HS6ST1: variants seen among roughly 807,000 people sequenced by gnomAD.
The protein encoded by HS6ST1 is heparan sulfate 6-O-sulfotransferase 1.
HS6ST1 carries 3 observed loss-of-function variants against 25.2 expected under a neutral mutation model. That is an observed-to-expected ratio of 0.12 (90% CI 0.05 to 0.31). The LOEUF (loss-of-function observed/expected upper bound fraction) is 0.31, where lower values mean the gene tolerates loss of function less well. Among genes scored for constraint, HS6ST1 ranks in the 10% least tolerant of loss-of-function variants. The pLI is 1.00. For missense variants in HS6ST1, 310 were observed against 609.6 expected, an observed-to-expected ratio of 0.51 and a Z score of 5.18; for synonymous variants, 204 against 275.1, an observed-to-expected ratio of 0.74 and a Z score of 2.56.
intron 1 of HS6ST1, among the ~76,000 whole-genome samples, chr2:128,271,009 C>T (rs6738201): frequency 0.045 from 6,814 of 152,282 alleles, 492 homozygotes; most frequent in African/African-American, 0.16. Context: ...CAGCCCCACA[C>T]CCATTCAGGG....
At chr2:128,310,952 G>C (rs1044159472) in intron 1 of HS6ST1, among the ~76,000 whole-genome samples, 3 of 151,970 alleles carry the variant, frequency 2.0e-5, no homozygotes, top group Admixed American at 2.0e-4. Context: ...GCGGGGTCTC[G>C]CATGATGTGT....
At chr2:128,304,898 CCA>C (rs1694185338) in intron 1 of HS6ST1, among the ~76,000 whole-genome samples, 1 of 152,208 alleles carries the variant, frequency 6.6e-6, no homozygotes, top group Non-Finnish European at 1.5e-5. Context: ...GACTGAGCAC[CCA>C]CACACACTTG....
At chr2:128,271,797 T>TC (rs1355959404) in intron 1 of HS6ST1, among the ~76,000 whole-genome samples, 1 of 152,174 alleles carries the variant, frequency 6.6e-6, no homozygotes, top group Non-Finnish European at 1.5e-5. Context: ...CCGAGGGCTT[T>TC]CCCCTCCTGG....
At chr2:128,313,741 C>T (rs920043149) in intron 1 of HS6ST1, among the ~76,000 whole-genome samples, 6 of 152,084 alleles carry the variant, frequency 3.9e-5, no homozygotes, top group African/African-American at 7.2e-5. Context: ...GTGGGCACTG[C>T]ACTCTCTGGG....
At chr2:128,306,095 C>G (rs1694203380) in intron 1 of HS6ST1, among the ~76,000 whole-genome samples, 1 of 152,194 alleles carries the variant, frequency 6.6e-6, no homozygotes, top group African/African-American at 2.4e-5. Flanking sequence ...TCTCAGTTTA[C>G]TCATCTGCAA....
chr2:128,293,491 G>A (rs908933699), intron 1 of HS6ST1, among the ~76,000 whole-genome samples: 7 of 152,226 alleles, frequency 4.6e-5, no homozygotes, highest in African/African-American at 1.7e-4. Flanking sequence ...AGAAACCACT[G>A]TTCCTCATAC....
chr2:128,316,980 G>C (rs1207124978), intron 1 of HS6ST1, among the ~76,000 whole-genome samples: 2 of 152,156 alleles, frequency 1.3e-5, no homozygotes, highest in Non-Finnish European at 2.9e-5. Context: ...CAGCCTGTCT[G>C]CAAATTCAGT....
intron 1 of HS6ST1, among the ~76,000 whole-genome samples, chr2:128,314,891 C>A (rs2104939356): frequency 6.6e-6 from 1 of 152,350 alleles, no homozygotes; most frequent in African/African-American, 2.4e-5. Context: ...CCGGGCAAGA[C>A]CTTGACCATG....
chr2:128,290,817 C>CAAAAAAAA (rs57754041), intron 1 of HS6ST1, among the ~76,000 whole-genome samples: 84 of 60,548 alleles, frequency 1.4e-3, no homozygotes, highest in African/African-American at 2.3e-3. Flanking sequence ...ACTAAAAATA[C>CAAAAAAAA]AAAAAAAAAA....
At chr2:128,280,067 A>G (rs1479213070) in intron 1 of HS6ST1, among the ~76,000 whole-genome samples, 2 of 152,232 alleles carry the variant, frequency 1.3e-5, no homozygotes, top group Non-Finnish European at 2.9e-5. Flanking sequence ...CAAAGCTGGG[A>G]GCTCACGGCA....
chr2:128,280,344 C>T (rs1166976771), intron 1 of HS6ST1, among the ~76,000 whole-genome samples: 2 of 152,234 alleles, frequency 1.3e-5, no homozygotes, highest in Non-Finnish European at 2.9e-5. Context: ...GCTGGCTGTC[C>T]ATGGTGTCAT....
Position 128,298,999 on chromosome 2 carries a change from G to C in HS6ST1, c.527+19038C>G, listed in dbSNP as rs779757891. Among the ~76,000 whole-genome samples, 60 of 152,182 alleles carry C rather than the reference G, an allele frequency of 3.9e-4. 1 individual carries two copies. The highest frequency in any genetic ancestry group is 6.5e-5 in the Admixed American group (1 of 15,284). On this transcript the variant is annotated intron_variant, in intron 1 of 1. Coordinates refer to ENST00000259241, the MANE Select transcript of HS6ST1 (RefSeq NM_004807.3). Reference sequence around the variant, plus strand: ...CACTCCCTCTCCCTCCTGCATGACTGTGTGGGGTACTCCTCGGCTCTCGGA... The same window carrying C: ...CACTCCCTCTCCCTCCTGCATGACTCTGTGGGGTACTCCTCGGCTCTCGGA...
chr2:128,291,612 G>C (rs190350115), intron 1 of HS6ST1, among the ~76,000 whole-genome samples: 2 of 152,342 alleles, frequency 1.3e-5, no homozygotes, highest in East Asian at 3.9e-4. Flanking sequence ...ACAGGCTGAC[G>C]CCATGCCTGG....
At chr2:128,270,461 T>C (rs537898102) in intron 1 of HS6ST1, among the ~76,000 whole-genome samples, 2 of 152,324 alleles carry the variant, frequency 1.3e-5, no homozygotes, top group Admixed American at 1.3e-4. Flanking sequence ...TCCATGCTGA[T>C]GGCAGCAGCT....
At position 128,318,530 on chromosome 2, in the gene HS6ST1, C is replaced by T; in HGVS notation, c.34G>A (p.Val12Ile). ...RRRRAGGRTM[V>I]ERASKFVLVV... ...AGCACGAACTTGCTGGCGCGCTCAA[C>T]CATGGTCCTGCCGCCGGCGCGCCGC... Residue 12 changes from valine to isoleucine, a missense_variant, in exon 1 of 2, where the codon GTT becomes ATT. This residue lies in a region of HS6ST1 where 63 missense variants were observed against 105.4 expected (regional missense o/e 0.60). Coordinates refer to ENST00000259241, the MANE Select transcript of HS6ST1 (RefSeq NM_004807.3). This position sits in a 1 kb window ranked among gnomAD's most constrained non-coding sequence, Gnocchi z 5.7. The T allele has an allele frequency of 1.3e-6, 2 of 1,519,310 alleles. No individual in the cohort carries two copies. The highest frequency in any genetic ancestry group is 8.8e-7 in the Non-Finnish European group (1 of 1,139,922). The allele number at this position is 1,519,310 out of a possible 1,614,324, so 94.1% of individuals were successfully genotyped here. A position where few individuals can be genotyped will look rare whatever the true frequency, so the allele number is the denominator to read the frequency against.
chr2:128,265,919 C>A lies in HS6ST1; in HGVS notation c.*2243G>T, dbSNP rs1302935329. 4 of 151,684 alleles carry A rather than the reference C, an allele frequency of 2.6e-5. No homozygotes were observed. The highest frequency in any genetic ancestry group is 4.8e-5 in the African/African-American group (2 of 41,280). 9.4% of individuals were successfully genotyped at this position (151,684 alleles called of 1,614,324 possible). The stretch of plus-strand genomic sequence containing the variant: ...AGCAGGTGGCCTGAATGGGAAGTGC[C>A]AGGCTGGACACTTGGGGGCTGAGGG... On this transcript the variant is annotated 3_prime_UTR_variant, in exon 2 of 2. Transcript: ENST00000259241.
intron 1 of HS6ST1, among the ~76,000 whole-genome samples, chr2:128,277,099 G>C (rs1169671848): frequency 6.6e-6 from 1 of 152,174 alleles, no homozygotes; most frequent in African/African-American, 2.4e-5. Flanking sequence ...CTGGTGGTTG[G>C]TTCACCGTCC....
intron 1 of HS6ST1, among the ~76,000 whole-genome samples, chr2:128,284,263 T>C (rs1693827936): frequency 6.6e-6 from 1 of 151,748 alleles, no homozygotes; most frequent in Non-Finnish European, 1.5e-5. Flanking sequence ...CGTGCCCAGG[T>C]TGCCAACACA....
At chr2:128,284,691 T>C (rs1693836128) in intron 1 of HS6ST1, among the ~76,000 whole-genome samples, 1 of 152,188 alleles carries the variant, frequency 6.6e-6, no homozygotes, top group Non-Finnish European at 1.5e-5. Context: ...TTTTGCCATG[T>C]TGGCCAAGCT....
Sources: allele counts gnomAD v4.1 joint callset (sites outside exome capture counted in the v4.1 genomes callset), GRCh38; gene constraint gnomAD v4.1.1; regional missense constraint gnomAD v4.1.1; non-coding constraint Gnocchi (gnomAD v3.1); transcripts MANE v1.5; gene names NCBI Gene and HGNC (gene_info 2026-07-23, HGNC 2026-07-21).